Variants in PEX14 observed in about 807,000 individuals in gnomAD.
PEX14 encodes the protein peroxisomal membrane protein PEX14.
A neutral mutation model predicts 49.5 loss-of-function variants in PEX14; 15 were observed. The ratio of observed to expected loss-of-function variants is 0.30; its 90% CI spans 0.20 to 0.47. PEX14 has a LOEUF of 0.47. PEX14 is among the 20% of genes least tolerant of loss of function. The probability of loss-of-function intolerance (pLI) is 1.00; values close to 1 mark genes in which losing one functional copy is unlikely to be tolerated. For synonymous variants in PEX14, 210 were observed against 212.7 expected, an observed-to-expected ratio of 0.99 and a Z score of 0.11; for missense variants, 398 against 494.8, an observed-to-expected ratio of 0.80 and a Z score of 1.86.
intron 2 of PEX14, among the ~76,000 whole-genome samples, chr1:10,521,450 A>T (rs924978190): frequency 2.6e-5 from 4 of 152,158 alleles, no homozygotes; most frequent in African/African-American, 9.7e-5. Context: ...TTTTAAAAAG[A>T]TTTTTCAAGC....
chr1:10,518,685 TGAA>T (rs1426047126), intron 2 of PEX14, among the ~76,000 whole-genome samples: 1 of 152,208 alleles, frequency 6.6e-6, no homozygotes, highest in Non-Finnish European at 1.5e-5. Flanking sequence ...AAATAACTTT[TGAA>T]GAAGGAGGCC....
intron 3 of PEX14, among the ~76,000 whole-genome samples, chr1:10,568,323 T>TCCCCCCC (rs58295618): frequency 1.4e-4 from 17 of 118,704 alleles, no homozygotes; most frequent in African/African-American, 3.8e-4. Context: ...TAGATACTCT[T>TCCCCCCC]CCCCCCCCCC....
Position 10,628,342 on chromosome 1 carries a change from G to T in PEX14, c.677+979G>T, listed in dbSNP as rs1006799821. On this transcript the variant is annotated intron_variant, in intron 8 of 8. Coordinates refer to ENST00000356607, the MANE Select transcript of PEX14 (RefSeq NM_004565.3). The surrounding 1 kb of genome is among the most constrained non-coding windows in gnomAD (Gnocchi z 4.5). ...TGATGCCCTAGTGGGCCTTGCATGG[G>T]GTGTCCTTGTTTCCCTGCTGGGCTG... Among the ~76,000 whole-genome samples, 2 of 152,272 alleles carry T rather than the reference G, an allele frequency of 1.3e-5. No homozygotes were observed. Among genetic ancestry groups the T allele is most frequent in the Admixed American group, 6.5e-5 (1 of 15,288 alleles).
At chr1:10,487,815 C>G (rs1295468159) in intron 1 of PEX14, among the ~76,000 whole-genome samples, 1 of 151,650 alleles carries the variant, frequency 6.6e-6, no homozygotes, top group East Asian at 1.9e-4. Context: ...GAGTCTCACT[C>G]TGTTGCCTCG....
intron 3 of PEX14, among the ~76,000 whole-genome samples, chr1:10,557,994 G>A (rs772012983): frequency 2.6e-5 from 4 of 152,068 alleles, no homozygotes; most frequent in Non-Finnish European, 2.9e-5. Context: ...GATTTGACAT[G>A]TCATCTTTTT....
intron 2 of PEX14, among the ~76,000 whole-genome samples, chr1:10,520,942 T>C (rs1321186688): frequency 6.6e-6 from 1 of 151,966 alleles, no homozygotes; most frequent in East Asian, 1.9e-4. Flanking sequence ...GAAAGCTTTA[T>C]CTTCTCTTTT....
chr1:10,610,233 C>A (rs966864183), intron 4 of PEX14, among the ~76,000 whole-genome samples: 2 of 148,518 alleles, frequency 1.3e-5, no homozygotes, highest in African/African-American at 4.9e-5. Context: ...AAGAGACTTT[C>A]TCCTATATTG....
intron 2 of PEX14, among the ~76,000 whole-genome samples, chr1:10,526,142 G>A (rs888995124): frequency 1.7e-4 from 26 of 150,330 alleles, no homozygotes; most frequent in Admixed American, 1.3e-3. Flanking sequence ...GGATGGTCTC[G>A]ATCTCCTGAC....
chr1:10,549,102 C>T (rs1008645484), intron 3 of PEX14, among the ~76,000 whole-genome samples: 1 of 151,802 alleles, frequency 6.6e-6, no homozygotes, highest in African/African-American at 2.4e-5. Context: ...TCATGAAGTT[C>T]AAGTTTACTA....
intron 2 of PEX14, among the ~76,000 whole-genome samples, chr1:10,507,925 TTC>T (rs1641815260): frequency 6.6e-6 from 1 of 152,248 alleles, no homozygotes. Context: ...AGTAAAATCT[TTC>T]TGTCAGATCT....
intron 2 of PEX14, among the ~76,000 whole-genome samples, chr1:10,508,093 C>T (rs1261722577): frequency 3.3e-5 from 5 of 152,192 alleles, no homozygotes; most frequent in African/African-American, 7.2e-5. Context: ...CCCCCCAACC[C>T]CACTCCCTCC....
intron 5 of PEX14, among the ~76,000 whole-genome samples, chr1:10,619,471 C>A (rs1432222162): frequency 6.6e-6 from 1 of 152,042 alleles, no homozygotes; most frequent in East Asian, 1.9e-4. Context: ...CGTGCTGGTG[C>A]ATGCCTGGCT....
chr1:10,546,984 G>A (rs1295972645), intron 3 of PEX14, among the ~76,000 whole-genome samples: 1 of 152,200 alleles, frequency 6.6e-6, no homozygotes, highest in Non-Finnish European at 1.5e-5. Flanking sequence ...CTTCAGGAAT[G>A]ACTGCCAGAT....
intron 3 of PEX14, among the ~76,000 whole-genome samples, chr1:10,540,650 C>T (rs1297842624): frequency 6.6e-6 from 1 of 152,144 alleles, no homozygotes; most frequent in Non-Finnish European, 1.5e-5. Flanking sequence ...TTTTCTCCTT[C>T]AGCTTTACTT....
chr1:10,497,848 T>A (rs1301999500), intron 2 of PEX14, among the ~76,000 whole-genome samples: 2 of 152,266 alleles, frequency 1.3e-5, no homozygotes, highest in African/African-American at 4.8e-5. Context: ...TACATATTCT[T>A]TTTGTTTTTA....
intron 1 of PEX14, among the ~76,000 whole-genome samples, chr1:10,480,327 C>T (rs1288740406): frequency 6.6e-6 from 1 of 151,216 alleles, no homozygotes. Context: ...TCTCCTGCTT[C>T]ACCTGCCTCA....
At chr1:10,604,215 G>A (rs561023193) in intron 4 of PEX14, among the ~76,000 whole-genome samples, 1 of 152,360 alleles carries the variant, frequency 6.6e-6, no homozygotes, top group South Asian at 2.1e-4. Context: ...GGAAGCTTCA[G>A]AGAGCAGATG....
At chr1:10,488,724 C>T (rs926613152) in intron 1 of PEX14, among the ~76,000 whole-genome samples, 1 of 150,620 alleles carries the variant, frequency 6.6e-6, no homozygotes, top group Non-Finnish European at 1.5e-5. Context: ...AGGATGGTCT[C>T]GATCTCCTGA....
chr1:10,607,680 A>G (rs1272927497), intron 4 of PEX14, among the ~76,000 whole-genome samples: 2 of 152,144 alleles, frequency 1.3e-5, no homozygotes, highest in African/African-American at 4.8e-5. Context: ...CCACTTGCAT[A>G]TCTTTCTTGT....
Sources: allele counts gnomAD v4.1 joint callset (sites outside exome capture counted in the v4.1 genomes callset), GRCh38; gene constraint gnomAD v4.1.1; non-coding constraint Gnocchi (gnomAD v3.1); transcripts MANE v1.5; gene names NCBI Gene and HGNC (gene_info 2026-07-23, HGNC 2026-07-21).